The following CPNE1 variants were observed in gnomAD, a reference collection of about 807,000 sequenced individuals.
CPNE1 encodes copine 1, also known as copine-1.
Under a neutral mutation model 63.2 loss-of-function variants are expected in CPNE1, and 58 were observed. The ratio of observed to expected loss-of-function variants is 0.92; its 90% confidence interval spans 0.74 to 1.14. CPNE1 has a LOEUF of 1.14. Among genes scored for constraint, CPNE1 ranks in the 50% most tolerant of loss-of-function variants. The probability of loss-of-function intolerance (pLI) is 0.00; values close to 1 mark genes in which losing one functional copy is unlikely to be tolerated. For missense variants in CPNE1, 672 were observed against 661.7 expected, an observed-to-expected ratio of 1.02 and a Z score of -0.17; for synonymous variants, 237 against 249.0, an observed-to-expected ratio of 0.95 and a Z score of 0.45.
chr20:35,627,181 C>T (rs2031804990), intron 14 of CPNE1, 99 bp downstream of exon 14: 3 of 894,464 alleles, frequency 3.4e-6, no homozygotes, highest in Non-Finnish European at 4.5e-6. Context: ...GAGCAAGAGT[C>T]CATCTCAAAA....
At chr20:35,642,072 C>A (rs1601441551) in intron 1 of CPNE1, among the ~76,000 whole-genome samples, 1 of 152,318 alleles carries the variant, frequency 6.6e-6, no homozygotes, top group African/African-American at 2.4e-5. Context: ...GAATCCCATT[C>A]TCTGCTACAA....
At chr20:35,653,862 A>G in intron 1 of CPNE1, 1 of 1,614,064 alleles carries the variant, frequency 6.2e-7, no homozygotes, top group South Asian at 1.1e-5. Context: ...GACGACACAG[A>G]GCAGCCTTAT....
intron 1 of CPNE1, among the ~76,000 whole-genome samples, chr20:35,660,475 T>G (rs1290641573): frequency 6.6e-6 from 1 of 152,156 alleles, no homozygotes; most frequent in East Asian, 1.9e-4. Flanking sequence ...CGCCTCAGCC[T>G]CCCAAAGTGC....
At chr20:35,654,739 G>A (rs190078208) in intron 1 of CPNE1, 12 of 1,613,202 alleles carry the variant, frequency 7.4e-6, no homozygotes, top group Middle Eastern at 1.6e-4. Context: ...AGATGGCATC[G>A]CTGGAATTGG....
chr20:35,629,099 C>A (rs1235711627), intron 13 of CPNE1, among the ~76,000 whole-genome samples: 1 of 152,198 alleles, frequency 6.6e-6, no homozygotes, highest in African/African-American at 2.4e-5. Flanking sequence ...CATATACACA[C>A]ACATACACAC....
intron 1 of CPNE1, among the ~76,000 whole-genome samples, chr20:35,660,465 C>G (rs933650392): frequency 6.6e-6 from 1 of 152,114 alleles, no homozygotes; most frequent in Non-Finnish European, 1.5e-5. Context: ...GTGATCCACC[C>G]GCCTCAGCCT....
chr20:35,631,804 T>A, intron 6 of CPNE1, 27 bp from the exon 7 acceptor site: 1 of 1,589,658 alleles, frequency 6.3e-7, no homozygotes, highest in African/African-American at 1.3e-5. Flanking sequence ...AGGCCTCCAG[T>A]GAGCTCTGGC....
chr20:35,626,292 G>C lies in CPNE1; in HGVS notation c.1563C>G (p.Leu521=). 1 of 1,612,154 alleles carries C rather than the reference G, an allele frequency of 6.2e-7. No homozygotes were observed. The highest frequency in any genetic ancestry group is 8.5e-7 in the Non-Finnish European group (1 of 1,179,624). The change falls in exon 16 of 16, where the codon CTC becomes CTG. Residue 521 remains leucine (L), a synonymous_variant. Transcript: ENST00000397443. The part of the protein sequence containing the change: ...SYFRAQGWAP[L]KPLPPSAKDP... ...CCTTGGCTGAGGGTGGAAGTGGCTT[G>C]AGCGGGGCCCAACCCTGGGCCCTGA...
At chr20:35,635,074 C>T (rs1204482005) in intron 1 of CPNE1, among the ~76,000 whole-genome samples, 1 of 151,968 alleles carries the variant, frequency 6.6e-6, no homozygotes, top group Non-Finnish European at 1.5e-5. Context: ...AAACACTTTG[C>T]AGTACCTGGA....
intron 1 of CPNE1, chr20:35,650,889 A>G (rs2033461392): frequency 6.6e-6 from 1 of 152,614 alleles, no homozygotes; most frequent in African/African-American, 2.4e-5. Context: ...CCCCTTTGTA[A>G]CTACGCTGAT....
At chr20:35,647,147 CTA>C (rs2033156567) in intron 1 of CPNE1, among the ~76,000 whole-genome samples, 1 of 151,622 alleles carries the variant, frequency 6.6e-6, no homozygotes, top group African/African-American at 2.4e-5. Flanking sequence ...CCCATCTCTA[CTA>C]AAAATACAAA....
chr20:35,652,982 CA>C, intron 1 of CPNE1: 1 of 1,613,822 alleles, frequency 6.2e-7, no homozygotes, highest in Non-Finnish European at 8.5e-7. Context: ...CCCGATGGCC[CA>C]CTTAAATTGT....
Position 35,628,785 on chromosome 20 carries a change from C to G in CPNE1, c.1103-1372G>C, listed in dbSNP as rs189451828. 3.9e-5 allele frequency among the ~76,000 whole-genome samples: 6 copies of G among 152,298 alleles called. No homozygotes were observed. The East Asian group carries it at 1.2e-3, about 29-fold the overall frequency. On this transcript the variant is annotated intron_variant, in intron 13 of 15. Transcript: ENST00000397443. ...ACAATTGGCAACATCTGAATAAATG[C>G]TATAGGCTGGATAATAGCATAGATG...
At chr20:35,663,565 ATTAGG>A (rs888291918) in intron 1 of CPNE1, among the ~76,000 whole-genome samples, 31 of 152,182 alleles carry the variant, frequency 2.0e-4, no homozygotes, top group African/African-American at 7.5e-4. Context: ...TTCAATTTAT[ATTAGG>A]TTATCTCTGA....
At chr20:35,654,623 G>C (rs755001730) in intron 1 of CPNE1, 1 of 1,614,210 alleles carries the variant, frequency 6.2e-7, no homozygotes, top group Non-Finnish European at 8.5e-7. Flanking sequence ...GGGGTCATGG[G>C]TGGCACAGAA....
chr20:35,654,411 C>T (rs1205218234), intron 1 of CPNE1: 3 of 1,614,060 alleles, frequency 1.9e-6, no homozygotes, highest in African/African-American at 1.3e-5. Flanking sequence ...CACTGACATA[C>T]AGATCATCAG....
At chr20:35,652,578 A>G (rs780983718) in intron 1 of CPNE1, 24 of 1,614,180 alleles carry the variant, frequency 1.5e-5, no homozygotes, top group Non-Finnish European at 1.8e-5. Flanking sequence ...CATTTAAGTC[A>G]ATGACAGCAG....
chr20:35,635,536 G>A (rs1277078177), intron 1 of CPNE1, among the ~76,000 whole-genome samples: 3 of 152,040 alleles, frequency 2.0e-5, no homozygotes, highest in Non-Finnish European at 4.4e-5. Context: ...TTTCTTGCAT[G>A]GTTCACCACG....
At chr20:35,654,224 T>A in intron 1 of CPNE1, 1 of 1,614,258 alleles carries the variant, frequency 6.2e-7, no homozygotes, top group Non-Finnish European at 8.5e-7. Context: ...CGTTGAATCA[T>A]CAGCATTCTG....
Sources: allele counts gnomAD v4.1 joint callset (sites outside exome capture counted in the v4.1 genomes callset), GRCh38; gene constraint gnomAD v4.1.1; transcripts MANE v1.5; gene names NCBI Gene and HGNC (gene_info 2026-07-23, HGNC 2026-07-21).